Variants in PLPPR1 observed in about 807,000 individuals in gnomAD.
PLPPR1 encodes the protein phospholipid phosphatase related 1.
Under a neutral mutation model 33.1 loss-of-function variants are expected in PLPPR1, and 10 were observed. That is an observed-to-expected ratio of 0.30 (90% CI 0.19 to 0.51). The LOEUF (loss-of-function observed/expected upper bound fraction) is 0.51. Among genes scored for constraint, PLPPR1 ranks in the 20% least tolerant of loss-of-function variants. The probability of loss-of-function intolerance (pLI) is 0.97; values close to 1 mark genes in which losing one functional copy is unlikely to be tolerated. For synonymous variants in PLPPR1, 151 were observed against 151.0 expected (o/e 1.00, Z 0.00); for missense variants, 304 against 408.1 (o/e 0.74, Z 2.20).
At chr9:101,112,551 C>T (rs1408524996) in intron 1 of PLPPR1, among the ~76,000 whole-genome samples, 1 of 152,178 alleles carries the variant, frequency 6.6e-6, no homozygotes, top group Admixed American at 6.5e-5. Flanking sequence ...TGCATTTAAT[C>T]ATTGTCTCCT....
intron 4 of PLPPR1, among the ~76,000 whole-genome samples, chr9:101,298,527 G>A (rs116260941): frequency 0.049 from 7,413 of 152,094 alleles, 552 homozygotes; most frequent in African/African-American, 0.16. Flanking sequence ...GAAAATCCTC[G>A]ATTTTGAAAG....
intron 1 of PLPPR1, among the ~76,000 whole-genome samples, chr9:101,091,062 C>G (rs1427210772): frequency 6.6e-6 from 1 of 151,898 alleles, no homozygotes; most frequent in Non-Finnish European, 1.5e-5. Context: ...CATCTCTAAT[C>G]TAGAGTTATT....
chr9:101,113,289 A>G (rs187108193), intron 1 of PLPPR1, among the ~76,000 whole-genome samples: 116 of 152,274 alleles, frequency 7.6e-4, no homozygotes, highest in Non-Finnish European at 1.1e-3. Context: ...TACTTGAACC[A>G]AAACTAAACG....
chr9:101,039,608 A>G (rs958062513), intron 1 of PLPPR1, among the ~76,000 whole-genome samples: 3 of 152,150 alleles, frequency 2.0e-5, no homozygotes, highest in Non-Finnish European at 4.4e-5. Context: ...TTTACAAAGG[A>G]AAGAGGTTTA....
intron 2 of PLPPR1, among the ~76,000 whole-genome samples, chr9:101,197,514 G>C (rs533111332): frequency 6.6e-6 from 1 of 152,278 alleles, no homozygotes; most frequent in East Asian, 1.9e-4. Context: ...GATATGCCAG[G>C]TGTGTTGGTC....
At chr9:101,032,300 G>A (rs1442892747) in intron 1 of PLPPR1, among the ~76,000 whole-genome samples, 2 of 152,194 alleles carry the variant, frequency 1.3e-5, no homozygotes, top group Non-Finnish European at 2.9e-5. Flanking sequence ...AATGATGACT[G>A]TGACTACAGT....
intron 7 of PLPPR1, among the ~76,000 whole-genome samples, chr9:101,320,603 T>C (rs1829134261): frequency 6.6e-6 from 1 of 152,218 alleles, no homozygotes; most frequent in Non-Finnish European, 1.5e-5. Context: ...AGAGAAGTAT[T>C]GCCTCTCACA....
chr9:101,217,303 A>G (rs1297924688), intron 2 of PLPPR1, among the ~76,000 whole-genome samples: 1 of 152,188 alleles, frequency 6.6e-6, no homozygotes, highest in Non-Finnish European at 1.5e-5. Flanking sequence ...AAATCATAGA[A>G]AAAGAAGACA....
rs141243185 is a variant in PLPPR1, at chr9:101,238,869, A to T, written c.64-31011A>T. Among the ~76,000 whole-genome samples, 911 of 151,806 alleles carry T rather than the reference A, an allele frequency of 6.0e-3. 8 individuals carry two copies. Among genetic ancestry groups the T allele is most frequent in the Non-Finnish European group, 0.01 (682 of 67,870 alleles). ...TCTAGTTGTAGCTTTCTATTCATTAACCAACCTCTCTTTATCCTCCTTTCC... is the reference window on the plus strand; with the variant it reads ...TCTAGTTGTAGCTTTCTATTCATTATCCAACCTCTCTTTATCCTCCTTTCC... On this transcript the variant is annotated intron_variant, in intron 2 of 7. Coordinates refer to ENST00000374874, the MANE Select transcript of PLPPR1 (RefSeq NM_207299.2).
intron 1 of PLPPR1, among the ~76,000 whole-genome samples, chr9:101,073,872 T>C (rs1322894293): frequency 2.0e-5 from 3 of 151,838 alleles, no homozygotes; most frequent in Non-Finnish European, 2.9e-5. Context: ...TATATGAATC[T>C]GTTTTATGGA....
chr9:101,245,488 A>T (rs1184531720), intron 2 of PLPPR1, among the ~76,000 whole-genome samples: 3 of 152,062 alleles, frequency 2.0e-5, no homozygotes, highest in Non-Finnish European at 4.4e-5. Context: ...GTAGGCTAAG[A>T]TTAGAGCTGT....
At chr9:101,170,125 A>G (rs187669104) in intron 1 of PLPPR1, among the ~76,000 whole-genome samples, 8 of 152,256 alleles carry the variant, frequency 5.3e-5, no homozygotes, top group African/African-American at 1.9e-4. Context: ...CAAGCACTGT[A>G]TGAAGTGCTA....
chr9:101,114,202 T>C (rs564342644), intron 1 of PLPPR1, among the ~76,000 whole-genome samples: 24 of 152,344 alleles, frequency 1.6e-4, no homozygotes, highest in South Asian at 6.2e-4. Context: ...CATTGAACAC[T>C]GTTCTAACTG....
chr9:101,253,849 T>C (rs147557582), intron 2 of PLPPR1, among the ~76,000 whole-genome samples: 20 of 152,252 alleles, frequency 1.3e-4, no homozygotes, highest in Middle Eastern at 6.8e-3. Context: ...ATGTATTTAT[T>C]ATATGCCCTT....
intron 2 of PLPPR1, among the ~76,000 whole-genome samples, chr9:101,214,209 A>C (rs746444903): frequency 8.5e-5 from 13 of 152,244 alleles, no homozygotes; most frequent in Non-Finnish European, 1.8e-4. Context: ...AGAATCAATC[A>C]CATTCTGCAG....
At chr9:101,306,469 T>C (rs1183934558) in intron 4 of PLPPR1, among the ~76,000 whole-genome samples, 4 of 152,162 alleles carry the variant, frequency 2.6e-5, no homozygotes, top group Non-Finnish European at 5.9e-5. Flanking sequence ...GCCCTCCAGG[T>C]TGTAGCTCTT....
intron 2 of PLPPR1, among the ~76,000 whole-genome samples, chr9:101,253,416 G>A (rs369392562): frequency 2.0e-5 from 3 of 151,840 alleles, no homozygotes; most frequent in African/African-American, 4.8e-5. Context: ...GTGTGATGGC[G>A]TACACCTGTA....
chr9:101,059,031 C>G (rs1191955930), intron 1 of PLPPR1, among the ~76,000 whole-genome samples: 2 of 152,078 alleles, frequency 1.3e-5, no homozygotes, highest in Admixed American at 6.6e-5. Context: ...AACTAAAATT[C>G]TGATTTTGTG....
intron 2 of PLPPR1, among the ~76,000 whole-genome samples, chr9:101,216,248 G>A (rs1826792981): frequency 6.6e-6 from 1 of 152,184 alleles, no homozygotes; most frequent in Non-Finnish European, 1.5e-5. Context: ...TCTTATTGGA[G>A]TTTTAATTTG....
Sources: gnomAD v4.1 joint callset for allele counts (sites outside exome capture counted in the v4.1 genomes callset) on GRCh38, gnomAD v4.1.1 for gene constraint, MANE v1.5 for transcripts, NCBI Gene and HGNC (gene_info 2026-07-23, HGNC 2026-07-21) for gene names.